BDNF: variants seen among roughly 807,000 people sequenced by gnomAD.
The protein encoded by BDNF is neurotrophic factor BDNF precursor form.
In BDNF, 1 loss-of-function variant was observed where a neutral mutation model predicts 19.5. That is an observed-to-expected ratio of 0.05 (90% CI 0.02 to 0.24). BDNF has a LOEUF of 0.24. Ranked by LOEUF, BDNF falls within the 10% of genes least tolerant of loss-of-function variation. The pLI is 1.00. For synonymous variants in BDNF, 100 were observed against 121.6 expected (o/e 0.82, Z 1.17); for missense variants, 195 against 317.6 (o/e 0.61, Z 2.93).
intron 1 of BDNF, among the ~76,000 whole-genome samples, chr11:27,664,379 G>A (rs113291085): frequency 1.6e-3 from 244 of 152,104 alleles, no homozygotes; most frequent in South Asian, 3.1e-3. Flanking sequence ...TAGGACATAC[G>A]TAACTAGAAT....
chr11:27,672,657 A>G (rs1208177230), intron 1 of BDNF, among the ~76,000 whole-genome samples: 1 of 151,818 alleles, frequency 6.6e-6, no homozygotes, highest in Non-Finnish European at 1.5e-5. Context: ...AAACATCAAA[A>G]CCCCCTCTCC....
chr11:27,700,805 C>G, upstream of BDNF: 1 of 1,209,172 alleles, frequency 8.3e-7, no homozygotes, highest in Non-Finnish European at 1.1e-6. Context: ...CCGCGTCCCG[C>G]GCCCTCTGCA....
chr11:27,684,115 C>T (rs1190569193), intron 1 of BDNF, among the ~76,000 whole-genome samples: 3 of 152,090 alleles, frequency 2.0e-5, no homozygotes. Flanking sequence ...TAAAGAGGTC[C>T]TTCACATCCC....
At chr11:27,699,558 C>T (rs1859640528) in intron 1 of BDNF, 2 of 1,548,628 alleles carry the variant, frequency 1.3e-6, no homozygotes, top group South Asian at 1.2e-5. Context: ...GTCGCAGACC[C>T]TTTCAGTTCC....
chr11:27,669,042 A>G (rs923392791), intron 1 of BDNF, among the ~76,000 whole-genome samples: 2 of 152,240 alleles, frequency 1.3e-5, no homozygotes, highest in Non-Finnish European at 1.5e-5. Flanking sequence ...CCAGCAGAAC[A>G]TCAAAAAGCT....
intron 1 of BDNF, chr11:27,659,627 C>CTTTGTG (rs71449160): frequency 1.2e-6 from 1 of 809,018 alleles, no homozygotes; most frequent in Admixed American, 9.5e-5. Context: ...GAGATGTTCT[C>CTTTGTG]TCTGTGTGTG....
chr11:27,708,784 G>A (rs778517272), intron 1 of BDNF, among the ~76,000 whole-genome samples: 2 of 150,008 alleles, frequency 1.3e-5, no homozygotes, highest in Non-Finnish European at 3.0e-5. Flanking sequence ...AACGTTTTAA[G>A]AGTAGGGATA....
rs192739017 is a variant in BDNF, at chr11:27,707,203, C to T, written c.3+14209G>A. Among the ~76,000 whole-genome samples the T allele has an allele frequency of 9.2e-5, 14 of 152,274 alleles. No homozygotes were observed. In the East Asian group the frequency reaches 2.7e-3, roughly 29 times the overall value. ...TCCAGTTAGAATAAAGTGAATAAAA[C>T]TAAGTTGAATTCAGTAAAAGAGAAT... is the stretch of plus-strand genomic sequence containing the variant. On this transcript the variant is annotated intron_variant, in intron 1 of 1. Transcript: ENST00000314915.
At chr11:27,674,754 T>C in intron 1 of BDNF, 1 of 979,054 alleles carries the variant, frequency 1.0e-6, no homozygotes, top group Non-Finnish European at 1.2e-6. Context: ...ATAGAAGACA[T>C]GCAAACTCAA....
chr11:27,702,386 A>G (rs1410786517), upstream of BDNF, among the ~76,000 whole-genome samples: 1 of 152,130 alleles, frequency 6.6e-6, no homozygotes, highest in East Asian at 1.9e-4. Flanking sequence ...CTGAAGTCAC[A>G]CTTTGAGAAA....
At chr11:27,695,506 A>G (rs1224938719) in intron 1 of BDNF, among the ~76,000 whole-genome samples, 1 of 152,174 alleles carries the variant, frequency 6.6e-6, no homozygotes, top group Non-Finnish European at 1.5e-5. Context: ...CCGTCAGACC[A>G]AAGGAACCAA....
At chr11:27,677,157 T>A (rs977295509) in intron 1 of BDNF, 1 of 152,212 alleles carries the variant, frequency 6.6e-6, no homozygotes, top group Admixed American at 6.5e-5. Flanking sequence ...ACTGCTCACC[T>A]CCTATTTCTC....
intron 1 of BDNF, among the ~76,000 whole-genome samples, chr11:27,688,266 G>C (rs528119595): frequency 6.6e-6 from 1 of 152,332 alleles, no homozygotes; most frequent in South Asian, 2.1e-4. Flanking sequence ...CCCCGACCAA[G>C]CTGGAGCATC....
intron 1 of BDNF, chr11:27,659,056 G>A (rs1289181428): frequency 2.6e-5 from 27 of 1,036,258 alleles, no homozygotes; most frequent in Non-Finnish European, 2.9e-5. Context: ...GTGGCCTGAG[G>A]GGTCTGATGG....
upstream of BDNF, chr11:27,700,985 C>A (rs1216939796): frequency 7.3e-7 from 1 of 1,361,464 alleles, no homozygotes; most frequent in East Asian, 4.6e-5. Flanking sequence ...CCGCACCTTC[C>A]TGCACTACGG....
chr11:27,719,997 T>C (rs906648834), intron 1 of BDNF, among the ~76,000 whole-genome samples: 4 of 151,762 alleles, frequency 2.6e-5, no homozygotes, highest in African/African-American at 9.7e-5. Context: ...GCTTCATAAT[T>C]AGTAATGAAT....
At chr11:27,659,190 A>G (rs138656264) in intron 1 of BDNF, 2 of 999,514 alleles carry the variant, frequency 2.0e-6, no homozygotes, top group Non-Finnish European at 2.4e-6. Context: ...ATTATAGCAA[A>G]GAAGAAAGAT....
upstream of BDNF, among the ~76,000 whole-genome samples, chr11:27,704,470 T>G (rs1304396338): frequency 6.6e-6 from 1 of 152,196 alleles, no homozygotes; most frequent in Non-Finnish European, 1.5e-5. Context: ...CTGAGGTCAA[T>G]TCTATCACTA....
chr11:27,700,170 G>T lies in BDNF; in HGVS notation c.-28C>A, dbSNP rs930489101. 3 of 985,776 alleles carry T rather than the reference G, an allele frequency of 3.0e-6. No individual in the cohort carries two copies. The African/African-American group carries it at 5.2e-5, about 17-fold the overall frequency. The allele number at this position is 985,776 out of a possible 1,614,324, so 61.1% of individuals were successfully genotyped here. ...ATTCCCAGCGCTTGCCTACCTCGGGGTCCACACAAACCTCACGGGTCCCCG... is the reference window on the plus strand; with the variant it reads ...ATTCCCAGCGCTTGCCTACCTCGGGTTCCACACAAACCTCACGGGTCCCCG... On this transcript the variant is annotated 5_prime_UTR_variant, in exon 1 of 2. Coordinates refer to ENST00000356660, the MANE Select transcript of BDNF (RefSeq NM_001709.5).
Sources: allele counts gnomAD v4.1 joint callset (sites outside exome capture counted in the v4.1 genomes callset), GRCh38; gene constraint gnomAD v4.1.1; transcripts MANE v1.5; gene names NCBI Gene and HGNC (gene_info 2026-07-23, HGNC 2026-07-21).